Variants in RPGR observed in about 807,000 individuals in gnomAD.
The protein encoded by RPGR is retinitis pigmentosa GTPase regulator, also known as X-linked retinitis pigmentosa GTPase regulator.
RPGR carries 10 observed loss-of-function variants against 56.3 expected under a neutral mutation model. The ratio of observed to expected loss-of-function variants is 0.18; its 90% CI spans 0.11 to 0.30. The LOEUF (loss-of-function observed/expected upper bound fraction) is 0.30. RPGR is among the 10% of genes least tolerant of loss of function. The pLI, the probability that RPGR is intolerant of heterozygous loss-of-function variation, is 1.00. For missense variants in RPGR, 538 were observed against 590.9 expected (o/e 0.91, Z 0.93); for synonymous variants, 197 against 212.9 (o/e 0.93, Z 0.65).
chrX:38,284,208 T>C (rs1045152133), intron 15 of RPGR, among the ~76,000 whole-genome samples, 200 bp downstream of exon 15: 2 of 111,565 alleles, frequency 1.8e-5, no homozygotes, highest in Non-Finnish European at 3.8e-5. Context: ...AAATCTCTCA[T>C]GCCCAGGATA....
chrX:38,316,410 A>G (rs898103265), intron 6 of RPGR, among the ~76,000 whole-genome samples: 22 of 112,060 alleles, frequency 2.0e-4, no homozygotes, highest in African/African-American at 6.8e-4. Flanking sequence ...CAATTCATTC[A>G]GGCAGTTTTC....
At position 38,285,603 on chromosome X, in the gene RPGR, G is replaced by A. The variant is rs12687163; in HGVS notation, c.1905+1491C>T. ...AGAACTTTTTGGAACCTGATGGCCC[G>A]TTTTTTAAAAGTCGTTTTGACTGGA... On this transcript the variant is annotated intron_variant, in intron 15 of 18. Transcript: ENST00000642395. 0.11 allele frequency: 137,291 copies of A among 1,208,940 alleles called. 8,921 individuals carry two copies. The highest frequency in any genetic ancestry group is 0.59 in the East Asian group (19,947 of 33,674).
chrX:38,283,381 G>A lies in RPGR; in HGVS notation c.1905+3713C>T, dbSNP rs192667898. Among the ~76,000 whole-genome samples the A allele has an allele frequency of 2.7e-3, 304 of 111,988 alleles. 1 individual carries two copies. Among genetic ancestry groups the A allele is most frequent in the South Asian group, 7.4e-3 (20 of 2,699 alleles). On this transcript the variant is annotated intron_variant, in intron 15 of 18. Transcript: ENST00000642395. ...AGGAAAAAGGAATTGCAGAAAATCTGGGTGTGACAGAGCTCTAGCTGGTAA... is the reference window on the plus strand; with the variant it reads ...AGGAAAAAGGAATTGCAGAAAATCTAGGTGTGACAGAGCTCTAGCTGGTAA...
At chrX:38,302,434 T>A (rs2067518744) in intron 8 of RPGR, among the ~76,000 whole-genome samples, 1 of 111,331 alleles carries the variant, frequency 9.0e-6, no homozygotes, top group South Asian at 3.8e-4. Context: ...GGCAAGAAGC[T>A]GAAAGGCAAC....
chrX:38,323,302 A>G (rs2067983414), intron 2 of RPGR, 97 bp downstream of exon 2: 1 of 828,543 alleles, frequency 1.2e-6, no homozygotes, highest in Non-Finnish European at 1.7e-6. Flanking sequence ...ACTTTTGATA[A>G]TATTTTCAAC....
At chrX:38,323,275 G>A in intron 2 of RPGR, 124 bp downstream of exon 2, 1 of 700,164 alleles carries the variant, frequency 1.4e-6, no homozygotes, top group Non-Finnish European at 2.1e-6. Context: ...GAATTCTCCA[G>A]CAAAGTAAAA....
chrX:38,301,207 G>T (rs750984740), intron 9 of RPGR, 40 bp downstream of exon 9: 5 of 1,109,304 alleles, frequency 4.5e-6, no homozygotes, highest in Non-Finnish European at 3.7e-6. Context: ...CTCAAATACA[G>T]TAATATGAAA....
chrX:38,321,311 A>G (rs977149458), intron 3 of RPGR, among the ~76,000 whole-genome samples: 1 of 111,227 alleles, frequency 9.0e-6, no homozygotes, highest in African/African-American at 3.3e-5. Context: ...CCCCACCCCT[A>G]TGGAATCTGA....
chrX:38,299,400 T>C (rs1007325048), intron 9 of RPGR, among the ~76,000 whole-genome samples: 4 of 112,389 alleles, frequency 3.6e-5, no homozygotes, highest in African/African-American at 9.7e-5. Context: ...ACCATTTTAC[T>C]TTCAATTTAA....
chrX:38,310,999 T>C (rs2067706197), intron 6 of RPGR, among the ~76,000 whole-genome samples: 1 of 112,416 alleles, frequency 8.9e-6, no homozygotes, highest in South Asian at 3.6e-4. Context: ...AATAAACAAC[T>C]AGAAAATTAC....
At position 38,276,611 on chromosome X, in the gene RPGR, A is replaced by G; in HGVS notation, c.2067T>C (p.Asp689=). 1 of 1,211,088 alleles carries G rather than the reference A, an allele frequency of 8.3e-7. No individual in the cohort carries two copies. Among genetic ancestry groups the G allele is most frequent in the Non-Finnish European group, 1.1e-6 (1 of 895,078 alleles). ...CCTTTTCAATAGTTTCAGCTGAGCT[A>G]TCATCATTGGTTCTTTCTGCTCCTT... Residue 689 remains aspartate (D), a synonymous_variant, in exon 16 of 19, where the codon GAT becomes GAC. Transcript: ENST00000642395.
chrX:38,304,942 A>T, intron 7 of RPGR, 152 bp from the exon 8 acceptor site: 1 of 492,263 alleles, frequency 2.0e-6, no homozygotes, highest in Admixed American at 3.7e-5. Flanking sequence ...ATATTGAAGT[A>T]TAAATCTTTC....
chrX:38,280,180 C>A (rs767866353), intron 15 of RPGR, among the ~76,000 whole-genome samples: 1 of 111,429 alleles, frequency 9.0e-6, no homozygotes, highest in Non-Finnish European at 1.9e-5. Flanking sequence ...AGAAAAATAA[C>A]ATGAGCATAT....
At chrX:38,326,011 C>A (rs1251712781) in intron 1 of RPGR, 1 of 112,099 alleles carries the variant, frequency 8.9e-6, no homozygotes, top group Non-Finnish European at 1.9e-5. Context: ...AGACTAGCCA[C>A]TGTGGACAAC....
intron 14 of RPGR, 152 bp downstream of exon 14, chrX:38,287,709 T>G: frequency 1.8e-6 from 1 of 565,814 alleles, no homozygotes; most frequent in South Asian, 2.4e-5. Flanking sequence ...CTGCTTCTGA[T>G]TCCTTCTGAC....
In RPGR at chrX:38,286,797, C is replaced by A. The variant is rs1156631774; in HGVS notation, c.1905+297G>T. The stretch of plus-strand genomic sequence containing the variant: ...CCTCCTCTTCTTCTCCTTCTCCATG[C>A]TCCTCCTCCCCTCCCTCCTCCATCT... On this transcript the variant is annotated intron_variant, in intron 15 of 18. Coordinates refer to ENST00000642395, the MANE Select transcript of RPGR (RefSeq NM_000328.3). The A allele has an allele frequency of 1.6e-5, 19 of 1,155,100 alleles. No individual in the cohort carries two copies. The Admixed American group carries it at 4.6e-4, about 28-fold the overall frequency.
chrX:38,327,315 C>G (rs998497535), intron 1 of RPGR, 25 bp downstream of exon 1: 11 of 1,176,451 alleles, frequency 9.4e-6, no homozygotes, highest in African/African-American at 7.1e-5. Flanking sequence ...CCCGGCCTTC[C>G]GCCACCGGCG....
intron 15 of RPGR, among the ~76,000 whole-genome samples, chrX:38,277,938 T>C (rs149034305): frequency 0.02 from 2,222 of 112,255 alleles, 38 homozygotes; most frequent in Middle Eastern, 0.041. Flanking sequence ...TAAACATTAG[T>C]GTCATCCTCA....
At chrX:38,291,303 T>C in intron 12 of RPGR, 90 bp downstream of exon 12, 1 of 554,447 alleles carries the variant, frequency 1.8e-6, no homozygotes, top group Non-Finnish European at 3.1e-6. Flanking sequence ...CTTTCATGCA[T>C]ATAAGAGTAT....
Sources: allele counts gnomAD v4.1 joint callset (sites outside exome capture counted in the v4.1 genomes callset), GRCh38; gene constraint gnomAD v4.1.1; transcripts MANE v1.5; gene names NCBI Gene and HGNC (gene_info 2026-07-23, HGNC 2026-07-21).